HDGFL3: variants seen among roughly 807,000 people sequenced by gnomAD.
The protein encoded by HDGFL3 is HDGF like 3, also known as hepatoma-derived growth factor-related protein 3.
A neutral mutation model predicts 27.6 loss-of-function variants in HDGFL3; 6 were observed. The ratio of observed to expected loss-of-function variants is 0.22; its 90% CI spans 0.12 to 0.43. The LOEUF (loss-of-function observed/expected upper bound fraction) is 0.43. Ranked by LOEUF, HDGFL3 falls within the 20% of genes least tolerant of loss-of-function variation. The pLI, the probability that HDGFL3 is intolerant of heterozygous loss-of-function variation, is 1.00. For missense variants in HDGFL3, 207 were observed against 250.1 expected, an observed-to-expected ratio of 0.83 and a Z score of 1.16; for synonymous variants, 88 against 88.9, an observed-to-expected ratio of 0.99 and a Z score of 0.05.
At chr15:83,149,348 G>A (rs1244491739) in intron 5 of HDGFL3, among the ~76,000 whole-genome samples, 1 of 152,188 alleles carries the variant, frequency 6.6e-6, no homozygotes, top group Non-Finnish European at 1.5e-5. Flanking sequence ...AATCTACAAT[G>A]CATAGGATAT....
At position 83,207,524 on chromosome 15, in the gene HDGFL3, C is replaced by CT; in HGVS notation, c.-111_-110insA. ...CGCTCCCCGCGGGCCTCAAGCCGGG[C>CT]GGACGAGCGGCCGCTCCGACGAGGG... On this transcript the variant is annotated 5_prime_UTR_variant, in exon 1 of 6. Transcript: ENST00000299633. This position sits in a 1 kb window ranked among gnomAD's most constrained non-coding sequence, Gnocchi z 4.8. The CT allele has an allele frequency of 1.2e-6, 1 of 854,304 alleles. No homozygotes were observed. The highest frequency in any genetic ancestry group is 1.6e-6 in the Non-Finnish European group (1 of 644,558). The allele number at this position is 854,304 out of a possible 1,614,324, so 52.9% of individuals were successfully genotyped here.
At chr15:83,196,382 A>G (rs2037572003) in intron 1 of HDGFL3, among the ~76,000 whole-genome samples, 1 of 152,016 alleles carries the variant, frequency 6.6e-6, no homozygotes, top group South Asian at 2.1e-4. Flanking sequence ...AGGATACATA[A>G]TCTGACTACA....
chr15:83,119,553 G>A (rs369785240), intron 3 of HDGFL3: 2 of 1,612,272 alleles, frequency 1.2e-6, no homozygotes, highest in African/African-American at 2.7e-5. Flanking sequence ...ATTTAAAGTG[G>A]ACTTCTTTTT....
intron 1 of HDGFL3, among the ~76,000 whole-genome samples, chr15:83,193,250 T>G (rs2037533470): frequency 1.3e-5 from 2 of 152,144 alleles, no homozygotes; most frequent in African/African-American, 4.8e-5. Flanking sequence ...AACCACCATT[T>G]TTTGCTGATT....
At position 83,137,807 on chromosome 15, in the gene HDGFL3, A is replaced by G. The variant is rs1182060011; in HGVS notation, c.*1463T>C. On this transcript the variant is annotated 3_prime_UTR_variant, in exon 6 of 6. Coordinates refer to ENST00000299633, the MANE Select transcript of HDGFL3 (RefSeq NM_016073.4). ...GCCCTAGGCTTTTAGGTCTGCTCAC[A>G]TTTTCTCATGTTTTTATTAGCTCTC... 2 of 152,012 alleles carry G rather than the reference A, an allele frequency of 1.3e-5. No individual in the cohort carries two copies. The highest frequency in any genetic ancestry group is 1.9e-4 in the East Asian group (1 of 5,190). 9.4% of individuals were successfully genotyped at this position (152,012 alleles called of 1,614,324 possible).
At chr15:83,190,713 GCTTAT>G (rs2037501568) in intron 1 of HDGFL3, among the ~76,000 whole-genome samples, 2 of 151,912 alleles carry the variant, frequency 1.3e-5, no homozygotes, top group South Asian at 4.2e-4. Flanking sequence ...CCATTTTGTG[GCTTAT>G]CTTTTCAATT....
At chr15:83,205,228 T>C (rs1191313616) in intron 1 of HDGFL3, among the ~76,000 whole-genome samples, 1 of 152,204 alleles carries the variant, frequency 6.6e-6, no homozygotes, top group Non-Finnish European at 1.5e-5. Context: ...TGAAAACATA[T>C]GTGAAGTATA....
At chr15:83,140,503 A>G (rs2036747718) in intron 5 of HDGFL3, among the ~76,000 whole-genome samples, 1 of 126,834 alleles carries the variant, frequency 7.9e-6, no homozygotes, top group Admixed American at 8.6e-5. Context: ...TTTTTTTGAG[A>G]CAGAGTCTCG....
At chr15:83,200,277 G>A (rs1024873302) in intron 1 of HDGFL3, among the ~76,000 whole-genome samples, 1 of 151,776 alleles carries the variant, frequency 6.6e-6, no homozygotes, top group African/African-American at 2.4e-5. Context: ...GGAGCTTGCA[G>A]TGAGCGGAGA....
chr15:83,169,329 GGC>G (rs2037213771), intron 1 of HDGFL3: 1 of 328,792 alleles, frequency 3.0e-6, no homozygotes, highest in Non-Finnish European at 6.2e-6. Context: ...GCAGGAGAAT[GGC>G]GTGAACCCGG....
downstream of HDGFL3, chr15:83,124,854 T>C (rs1005801162): frequency 6.9e-6 from 9 of 1,302,774 alleles, no homozygotes; most frequent in African/African-American, 1.5e-5. Flanking sequence ...TAGAAATATG[T>C]TTTTGTTTTT....
intron 1 of HDGFL3, among the ~76,000 whole-genome samples, chr15:83,204,891 C>A (rs537897049): frequency 6.6e-6 from 1 of 152,330 alleles, no homozygotes; most frequent in African/African-American, 2.4e-5. Flanking sequence ...CTACATTCCT[C>A]ACAAAGGGCT....
chr15:83,166,051 T>C (rs527897930), intron 1 of HDGFL3, among the ~76,000 whole-genome samples: 5 of 151,218 alleles, frequency 3.3e-5, no homozygotes, highest in Admixed American at 6.6e-5. Context: ...TTCAAGAAAA[T>C]TTCCCAAATC....
intron 1 of HDGFL3, among the ~76,000 whole-genome samples, chr15:83,176,854 T>TA (rs908536373): frequency 5.2e-4 from 76 of 146,046 alleles, no homozygotes; most frequent in South Asian, 1.5e-3. Context: ...CCCTAATTCT[T>TA]AAAAAAAAAA....
chr15:83,197,677 C>T (rs1281213285), intron 1 of HDGFL3, among the ~76,000 whole-genome samples: 2 of 152,128 alleles, frequency 1.3e-5, no homozygotes, highest in Non-Finnish European at 2.9e-5. Flanking sequence ...AGGAAAACTC[C>T]ACAGCCTCAA....
intron 5 of HDGFL3, among the ~76,000 whole-genome samples, chr15:83,147,820 A>G (rs995973463): frequency 2.0e-5 from 3 of 152,272 alleles, no homozygotes; most frequent in Admixed American, 2.0e-4. Context: ...ATTGCTAAAA[A>G]TATCAGAAAG....
intron 1 of HDGFL3, among the ~76,000 whole-genome samples, chr15:83,192,782 C>T (rs2037527437): frequency 6.6e-6 from 1 of 152,148 alleles, no homozygotes; most frequent in Non-Finnish European, 1.5e-5. Flanking sequence ...ACAACCAATC[C>T]ATCTTGACCA....
At chr15:83,192,834 AAC>A (rs1194681867) in intron 1 of HDGFL3, among the ~76,000 whole-genome samples, 1 of 152,338 alleles carries the variant, frequency 6.6e-6, no homozygotes, top group African/African-American at 2.4e-5. Context: ...TAAATAATCA[AAC>A]ACAGGCATTT....
chr15:83,122,776 T>G, downstream of HDGFL3: 1 of 1,614,022 alleles, frequency 6.2e-7, no homozygotes, highest in Non-Finnish European at 8.5e-7. Context: ...GAACACGAAT[T>G]TGCCCTGCTT....
Sources: gnomAD v4.1 joint callset for allele counts (sites outside exome capture counted in the v4.1 genomes callset) on GRCh38, gnomAD v4.1.1 for gene constraint, Gnocchi (gnomAD v3.1) non-coding constraint, MANE v1.5 for transcripts, NCBI Gene and HGNC (gene_info 2026-07-23, HGNC 2026-07-21) for gene names.